Variants in FLT3 observed in about 807,000 individuals in gnomAD.
FLT3 encodes receptor-type tyrosine-protein kinase FLT3.
In FLT3, 46 loss-of-function variants were observed where a neutral mutation model predicts 126.6. The observed-to-expected ratio is 0.36, with a 90% CI of 0.29 to 0.46. The LOEUF (loss-of-function observed/expected upper bound fraction) is 0.46. Among genes scored for constraint, FLT3 ranks in the 20% least tolerant of loss-of-function variants. The pLI, the probability that FLT3 is intolerant of heterozygous loss-of-function variation, is 1.00. For synonymous variants in FLT3, 404 were observed against 434.4 expected (o/e 0.93, Z 0.87); for missense variants, 1,069 against 1,190.3 (o/e 0.90, Z 1.50).
In FLT3 at chr13:28,004,145, C is replaced by A. The variant is rs183293726; in HGVS notation, c.2889G>T (p.Ser963=). The A allele has an allele frequency of 1.2e-5, 19 of 1,613,964 alleles. No homozygotes were observed. Among genetic ancestry groups the A allele is most frequent in the Middle Eastern group, 1.7e-4 (1 of 6,038 alleles). The part of the protein sequence containing the change: ...AMYQNVDGRV[S]ECPHTYQNRR... ...TGTTTTGGTAGGTGTGAGGACATTC[C>A]GAAACACGGCCATCCACATTCTGAT... Residue 963 remains serine (S), a synonymous_variant, in exon 24 of 24, where the codon TCG becomes TCT. Transcript: ENST00000241453.
chr13:28,081,844 CTTTTTTTTTTTTTTT>C (rs35243277), intron 1 of FLT3, among the ~76,000 whole-genome samples: 18 of 64,984 alleles, frequency 2.8e-4, no homozygotes, highest in Admixed American at 6.3e-4. Context: ...TACTTTGATT[CTTTTTTTTTTTTTTT>C]TTTTTTTTTT....
At chr13:28,039,194 G>T (rs2504237) in intron 9 of FLT3, among the ~76,000 whole-genome samples, 110,363 of 151,980 alleles carry the variant, frequency 0.73, 41,290 homozygotes, top group East Asian at 0.87. Flanking sequence ...GAACAGTATT[G>T]TATTTACTTA....
intron 19 of FLT3, among the ~76,000 whole-genome samples, chr13:28,019,156 G>A (rs1376432717): frequency 2.6e-5 from 4 of 151,876 alleles, no homozygotes; most frequent in Non-Finnish European, 4.4e-5. Context: ...TAGTAGAGAC[G>A]GCGTTTCGCC....
intron 20 of FLT3, among the ~76,000 whole-genome samples, chr13:28,015,918 C>T (rs892760398): frequency 7.9e-5 from 12 of 152,134 alleles, no homozygotes; most frequent in South Asian, 6.2e-4. Flanking sequence ...CAACTCCTCT[C>T]GAACAAAGGC....
Position 28,015,697 on chromosome 13 carries a change from C to A in FLT3, c.2546G>T (p.Arg849Leu). The A allele has an allele frequency of 1.2e-6, 2 of 1,604,494 alleles. No individual in the cohort carries two copies. Among genetic ancestry groups the A allele is most frequent in the Non-Finnish European group, 1.7e-6 (2 of 1,171,560 alleles). Residue 849 changes from arginine to leucine, a missense_variant, in exon 21 of 24, where the codon CGT becomes CTT. Coordinates refer to ENST00000241453, the MANE Select transcript of FLT3 (RefSeq NM_004119.3). ...GGGGGCCATCCATTTTACAGGCAGACGGGCCTGTGGAAAACCCAGAGGAGA... is the reference window on the plus strand; with the variant it reads ...GGGGGCCATCCATTTTACAGGCAGAAGGGCCTGTGGAAAACCCAGAGGAGA... ...DSNYVVRGNA[R>L]LPVKWMAPES... is the part of the protein sequence containing the mutation.
At chr13:28,095,506 C>T (rs996602363) in intron 1 of FLT3, among the ~76,000 whole-genome samples, 1 of 152,056 alleles carries the variant, frequency 6.6e-6, no homozygotes, top group Non-Finnish European at 1.5e-5. Context: ...GATCTCTTGA[C>T]CTCGTGATCT....
At chr13:28,076,394 C>T (rs1593293362) in intron 1 of FLT3, among the ~76,000 whole-genome samples, 5 of 152,122 alleles carry the variant, frequency 3.3e-5, no homozygotes, top group South Asian at 2.1e-4. Context: ...ATTACAAAGG[C>T]GAAGTTCCAG....
At chr13:28,084,072 G>T (rs1313893248) in intron 1 of FLT3, among the ~76,000 whole-genome samples, 1 of 151,346 alleles carries the variant, frequency 6.6e-6, no homozygotes, top group Non-Finnish European at 1.5e-5. Context: ...GCCTTGGCTG[G>T]ACTTGAACTC....
At chr13:28,028,901 C>T (rs1021060399) in intron 15 of FLT3, among the ~76,000 whole-genome samples, 2 of 151,848 alleles carry the variant, frequency 1.3e-5, no homozygotes, top group Non-Finnish European at 1.5e-5. Flanking sequence ...CCTACCTCAG[C>T]CCTCCAAGTT....
In FLT3 at chr13:28,026,354, A is replaced by G. The variant is rs994529985; in HGVS notation, c.2207+734T>C. On this transcript the variant is annotated intron_variant, in intron 17 of 23. Transcript: ENST00000241453. ...GGCAACAGAGCGAAACTCTGTCTGAAAAAAAAAAAAAAAAAAAAAAGAATG... is the reference window on the plus strand; with the variant it reads ...GGCAACAGAGCGAAACTCTGTCTGAGAAAAAAAAAAAAAAAAAAAAGAATG... 1.1e-3 allele frequency among the ~76,000 whole-genome samples: 7 copies of G among 6,204 alleles called. No homozygotes were observed. In the East Asian group the frequency reaches 0.015, roughly 13 times the overall value. The allele number at this position is 6,204 out of a possible 152,430, so 4.1% of individuals were successfully genotyped here.
chr13:28,047,967 C>T (rs1875052384), intron 9 of FLT3, among the ~76,000 whole-genome samples: 1 of 152,022 alleles, frequency 6.6e-6, no homozygotes, highest in Non-Finnish European at 1.5e-5. Flanking sequence ...TCCTACACAC[C>T]GCACTCTCAA....
chr13:28,072,725 C>G (rs73154879), intron 1 of FLT3, among the ~76,000 whole-genome samples: 1 of 149,574 alleles, frequency 6.7e-6, no homozygotes, highest in African/African-American at 2.5e-5. Context: ...AATATGCGGC[C>G]GGGCGTGGTG....
chr13:28,035,454 G>A (rs1873744856), intron 12 of FLT3, 41 bp downstream of exon 12: 2 of 1,579,042 alleles, frequency 1.3e-6, no homozygotes, highest in South Asian at 1.1e-5. Flanking sequence ...TTCTAGTGGG[G>A]AATTCCTGAT....
chr13:28,021,785 C>T (rs1872412747), intron 19 of FLT3, among the ~76,000 whole-genome samples: 3 of 151,632 alleles, frequency 2.0e-5, no homozygotes, highest in African/African-American at 7.3e-5. Flanking sequence ...CTCTGTCGCC[C>T]AGGCTGGAGT....
At chr13:28,049,091 G>C (rs1875179022) in intron 8 of FLT3, among the ~76,000 whole-genome samples, 1 of 152,170 alleles carries the variant, frequency 6.6e-6, no homozygotes, top group South Asian at 2.1e-4. Context: ...AGGATAGAAT[G>C]AGTTGTTCTT....
At chr13:28,008,275 C>CA (rs11409962) in intron 23 of FLT3, among the ~76,000 whole-genome samples, 42,416 of 86,722 alleles carry the variant, frequency 0.49, 9,922 homozygotes, top group East Asian at 0.65. Context: ...GAACCTGTCT[C>CA]AAAAAAAAAA....
intron 1 of FLT3, among the ~76,000 whole-genome samples, chr13:28,092,181 A>G (rs894119006): frequency 1.3e-5 from 2 of 152,150 alleles, no homozygotes; most frequent in Non-Finnish European, 2.9e-5. Context: ...CCTTAAACTC[A>G]AATGGAAATT....
At chr13:28,071,793 G>C (rs1335972885) in intron 1 of FLT3, among the ~76,000 whole-genome samples, 1 of 152,020 alleles carries the variant, frequency 6.6e-6, no homozygotes, top group East Asian at 1.9e-4. Context: ...CTGCTTCTCA[G>C]CTTTCTCAAC....
At position 28,057,481 on chromosome 13, in the gene FLT3, A is replaced by T. The variant is rs542436563; in HGVS notation, c.369-19T>A. ...AACTCCTCTGCAAAACAGGAAAGAG[A>T]ACTAGTTATTTTGGAAAATGTGTGA... On this transcript the variant is annotated intron_variant, in intron 3 of 23. Coordinates refer to ENST00000241453, the MANE Select transcript of FLT3 (RefSeq NM_004119.3). 3 of 1,133,654 alleles carry T rather than the reference A, an allele frequency of 2.6e-6. No individual in the cohort carries two copies. The East Asian group carries it at 7.0e-5, about 27-fold the overall frequency. The allele number at this position is 1,133,654 out of a possible 1,614,324, so 70.2% of individuals were successfully genotyped here.
Sources: gnomAD v4.1 joint callset for allele counts (sites outside exome capture counted in the v4.1 genomes callset) on GRCh38, gnomAD v4.1.1 for gene constraint, MANE v1.5 for transcripts, NCBI Gene and HGNC (gene_info 2026-07-23, HGNC 2026-07-21) for gene names.